The following SAMD12 variants were observed in gnomAD, a reference collection of about 807,000 sequenced individuals.
SAMD12 encodes sterile alpha motif domain containing 12.
SAMD12 carries 9 observed loss-of-function variants against 15.0 expected under a neutral mutation model. That is an observed-to-expected ratio of 0.60 (90% CI 0.36 to 1.05). The LOEUF (loss-of-function observed/expected upper bound fraction) is 1.05. SAMD12 is among the 50% of genes least tolerant of loss of function. SAMD12 has a pLI of 0.01. For missense variants in SAMD12, 230 were observed against 234.2 expected, an observed-to-expected ratio of 0.98 and a Z score of 0.12; for synonymous variants, 86 against 90.1, an observed-to-expected ratio of 0.96 and a Z score of 0.25.
chr8:118,310,222 T>C (rs887825428), intron 4 of SAMD12, among the ~76,000 whole-genome samples: 4 of 152,218 alleles, frequency 2.6e-5, no homozygotes, highest in Non-Finnish European at 5.9e-5. Flanking sequence ...TGCTGTTTCC[T>C]TTGTTTGGTC....
chr8:118,380,278 C>G (rs889271501), intron 3 of SAMD12, among the ~76,000 whole-genome samples: 7 of 152,332 alleles, frequency 4.6e-5, no homozygotes, highest in African/African-American at 1.7e-4. Context: ...GAGGTTCCAT[C>G]TCTAGCTGTT....
chr8:118,224,976 T>A (rs1021605012), intron 4 of SAMD12, among the ~76,000 whole-genome samples: 1 of 152,222 alleles, frequency 6.6e-6, no homozygotes, highest in Non-Finnish European at 1.5e-5. Context: ...CTTTATTCAA[T>A]GACATTATCA....
chr8:118,278,989 TCCC>T (rs1813539086), intron 4 of SAMD12, among the ~76,000 whole-genome samples: 6 of 152,208 alleles, frequency 3.9e-5, no homozygotes, highest in Admixed American at 3.9e-4. Context: ...TAACATGCTT[TCCC>T]AATGGGCTTC....
At chr8:118,560,272 C>A (rs1362045118) in intron 2 of SAMD12, among the ~76,000 whole-genome samples, 1 of 152,162 alleles carries the variant, frequency 6.6e-6, no homozygotes, top group Non-Finnish European at 1.5e-5. Flanking sequence ...TCTGGGGACC[C>A]AGGTAAGGAG....
intron 4 of SAMD12, among the ~76,000 whole-genome samples, chr8:118,350,697 T>C (rs1817920190): frequency 6.6e-6 from 1 of 152,170 alleles, no homozygotes; most frequent in Non-Finnish European, 1.5e-5. Context: ...TACCTATATA[T>C]CTTTATTTGG....
rs1307534115 is a variant in SAMD12, at chr8:118,519,595, C to T, written c.192+61120G>A. On this transcript the variant is annotated intron_variant, in intron 2 of 3. Coordinates refer to ENST00000314727, the MANE Select transcript of SAMD12 (RefSeq NM_207506.3). ...GACTTATTGAGGTTAAATGGCTGTA[C>T]CTTTGCTTGCAAGTGACATACAATA... 2.6e-5 allele frequency among the ~76,000 whole-genome samples: 4 copies of T among 152,060 alleles called. No individual in the cohort carries two copies. The East Asian group carries it at 7.7e-4, about 29-fold the overall frequency.
chr8:118,254,281 T>C (rs1481297308), intron 4 of SAMD12, among the ~76,000 whole-genome samples: 3 of 152,118 alleles, frequency 2.0e-5, no homozygotes, highest in Admixed American at 1.3e-4. Flanking sequence ...CACCCTGGGG[T>C]CTTTCAGCCG....
At position 118,360,537 on chromosome 8, in the gene SAMD12, A is replaced by C. The variant is rs1818441100; in HGVS notation, c.433+19023T>G. Among the ~76,000 whole-genome samples, 3 of 151,750 alleles carry C rather than the reference A, an allele frequency of 2.0e-5. No homozygotes were observed. In the South Asian group the frequency reaches 6.2e-4, roughly 31 times the overall value. ...CACTTAAGGTAAAAGAAAAAAAAAAACCACGAAACAAACAAAACAAAACAC... is the reference window on the plus strand; with the variant it reads ...CACTTAAGGTAAAAGAAAAAAAAAACCCACGAAACAAACAAAACAAAACAC... On this transcript the variant is annotated intron_variant, in intron 4 of 4. Coordinates refer to the SAMD12 transcript ENST00000409003.
At chr8:118,225,445 A>G (rs1812168021) in intron 4 of SAMD12, among the ~76,000 whole-genome samples, 1 of 152,166 alleles carries the variant, frequency 6.6e-6, no homozygotes, top group South Asian at 2.1e-4. Flanking sequence ...TTGTGCTGCC[A>G]GGGTTTTTGG....
At chr8:118,320,713 C>T (rs944825676) in intron 4 of SAMD12, among the ~76,000 whole-genome samples, 24 of 149,932 alleles carry the variant, frequency 1.6e-4, no homozygotes, top group East Asian at 7.9e-4. Context: ...ATATACCTAA[C>T]GTAAATGATG....
intron 4 of SAMD12, among the ~76,000 whole-genome samples, chr8:118,325,434 TATTGAGGTATA>T (rs2130473465): frequency 6.6e-6 from 1 of 152,310 alleles, no homozygotes; most frequent in East Asian, 1.9e-4. Flanking sequence ...CCCCCGGGTT[TATTGAGGTATA>T]ATTGACAAGT....
At chr8:118,498,652 T>TA (rs2081886818) in intron 2 of SAMD12, among the ~76,000 whole-genome samples, 1 of 152,238 alleles carries the variant, frequency 6.6e-6, no homozygotes, top group Non-Finnish European at 1.5e-5. Context: ...TCATGGCTTA[T>TA]GGTGTATAGC....
intron 4 of SAMD12, among the ~76,000 whole-genome samples, chr8:118,290,678 C>A (rs1264005539): frequency 6.6e-6 from 1 of 152,112 alleles, no homozygotes; most frequent in African/African-American, 2.4e-5. Flanking sequence ...AGTGATAAAT[C>A]AAGTTAATTA....
At chr8:118,501,971 G>T (rs780294030) in intron 2 of SAMD12, among the ~76,000 whole-genome samples, 1 of 146,084 alleles carries the variant, frequency 6.8e-6, no homozygotes, top group Non-Finnish European at 1.5e-5. Context: ...AGTGAGCGGA[G>T]ATTGCGCCAC....
intron 4 of SAMD12, among the ~76,000 whole-genome samples, chr8:118,218,824 G>T (rs1812021680): frequency 6.6e-6 from 1 of 152,012 alleles, no homozygotes. Flanking sequence ...TTTGAATAGT[G>T]TTCATCTAGT....
At chr8:118,529,775 G>T (rs541709871) in intron 2 of SAMD12, among the ~76,000 whole-genome samples, 1 of 151,972 alleles carries the variant, frequency 6.6e-6, no homozygotes, top group African/African-American at 2.4e-5. Context: ...GTATGTATGC[G>T]TGTGTCTGTG....
intron 4 of SAMD12, among the ~76,000 whole-genome samples, chr8:118,273,893 C>T (rs1338347439): frequency 6.6e-6 from 1 of 152,160 alleles, no homozygotes; most frequent in Non-Finnish European, 1.5e-5. Flanking sequence ...AAAAGTAAAA[C>T]AAGCAAGGCC....
chr8:118,452,789 A>G (rs1823121689), intron 2 of SAMD12, among the ~76,000 whole-genome samples: 1 of 152,198 alleles, frequency 6.6e-6, no homozygotes, highest in African/African-American at 2.4e-5. Context: ...CTGACTGGAA[A>G]CTATCTTGTT....
intron 4 of SAMD12, among the ~76,000 whole-genome samples, chr8:118,258,310 C>T (rs55814741): frequency 0.044 from 6,740 of 152,222 alleles, 263 homozygotes; most frequent in Non-Finnish European, 0.061. Context: ...ATAGCCTGTG[C>T]TTTCATTATA....
Sources: gnomAD v4.1 joint callset for allele counts (sites outside exome capture counted in the v4.1 genomes callset) on GRCh38, gnomAD v4.1.1 for gene constraint, MANE v1.5 for transcripts, NCBI Gene and HGNC (gene_info 2026-07-23, HGNC 2026-07-21) for gene names.